DCX: variants seen among roughly 807,000 people sequenced by gnomAD.
DCX encodes the protein neuronal migration protein doublecortin.
Under a neutral mutation model 20.9 loss-of-function variants are expected in DCX, and 4 were observed. The ratio of observed to expected loss-of-function variants is 0.19; its 90% confidence interval spans 0.09 to 0.44. The LOEUF is 0.44. DCX is among the 20% of genes least tolerant of loss of function. The pLI, the probability that DCX is intolerant of heterozygous loss-of-function variation, is 0.99. For missense variants in DCX, 133 were observed against 296.9 expected (o/e 0.45, Z 4.06); for synonymous variants, 103 against 111.4 (o/e 0.92, Z 0.47).
At chrX:111,331,180 A>G in intron 4 of DCX, 139 bp from the exon 5 acceptor site, 1 of 748,520 alleles carries the variant, frequency 1.3e-6, no homozygotes, top group South Asian at 2.3e-5. Context: ...TATTATTAGT[A>G]GGAGCCATGG....
intron 5 of DCX, 118 bp downstream of exon 5, chrX:111,330,786 T>C (rs1418338282): frequency 1.9e-6 from 2 of 1,045,054 alleles, no homozygotes; most frequent in African/African-American, 3.7e-5. Context: ...CCTGAATTGA[T>C]AGAATAGGGT....
intron 6 of DCX, among the ~76,000 whole-genome samples, chrX:111,305,596 T>A (rs1305527563): frequency 1.8e-5 from 2 of 109,702 alleles, no homozygotes; most frequent in Admixed American, 2.0e-4. Flanking sequence ...ACCTCTGTGT[T>A]ATTCTCCATC....
intron 3 of DCX, among the ~76,000 whole-genome samples, chrX:111,384,496 T>C (rs1314723865): frequency 9.0e-6 from 1 of 111,509 alleles, no homozygotes; most frequent in Non-Finnish European, 1.9e-5. Flanking sequence ...GGTATGGAGT[T>C]TGTCTTCTTG....
rs752352505 is a variant in DCX, at chrX:111,348,874, AAAAAGAAAAG to A, written c.706-15731_706-15722del. Among the ~76,000 whole-genome samples the A allele has an allele frequency of 5.0e-3, 547 of 109,626 alleles. 3 individuals are homozygous for A. The highest frequency in any genetic ancestry group is 0.017 in the African/African-American group (505 of 30,096). On this transcript the variant is annotated intron_variant, in intron 3 of 6. Transcript: ENST00000636035. ...GGAAGGAAAGGTTTGTTAAAAAAAAAAAAAGAAAAGAAAAGAAAAGAAAAGAAAGTTATTG... is the reference window on the plus strand; with the variant it reads ...GGAAGGAAAGGTTTGTTAAAAAAAAAAAAAGAAAAGAAAAGAAAGTTATTG...
intron 6 of DCX, among the ~76,000 whole-genome samples, chrX:111,306,135 T>G (rs1167250062): frequency 9.0e-6 from 1 of 111,432 alleles, no homozygotes; most frequent in East Asian, 2.8e-4. Context: ...AGGCAGAGAC[T>G]GGCAAAATAG....
At chrX:111,307,422 A>G (rs967491256) in intron 6 of DCX, among the ~76,000 whole-genome samples, 2 of 110,651 alleles carry the variant, frequency 1.8e-5, no homozygotes, top group Non-Finnish European at 3.8e-5. Flanking sequence ...TCGCTCTATT[A>G]CTATGTTATG....
intron 5 of DCX, among the ~76,000 whole-genome samples, chrX:111,328,077 C>A (rs937688717): frequency 1.8e-5 from 2 of 112,257 alleles, no homozygotes; most frequent in African/African-American, 6.5e-5. Context: ...ACTGAGAACA[C>A]CATGTTAGAT....
intron 3 of DCX, among the ~76,000 whole-genome samples, chrX:111,381,340 T>C (rs970713183): frequency 5.4e-5 from 6 of 110,124 alleles, no homozygotes; most frequent in African/African-American, 2.0e-4. Context: ...GACATAATGT[T>C]GAATGAAAGT....
chrX:111,383,179 T>C (rs1434230270), intron 3 of DCX, among the ~76,000 whole-genome samples: 4 of 111,154 alleles, frequency 3.6e-5, no homozygotes, highest in Admixed American at 9.6e-5. Flanking sequence ...CCAAACCTCA[T>C]TCCTTTTCTT....
rs184258865 is a variant in DCX, at chrX:111,351,303, A to C, written c.706-18150T>G. ...TTCTCTCTTCTGGCCTCTGGGTGTTACACCTTATCGACTATATACTTCCAG... is the reference window on the plus strand; with the variant it reads ...TTCTCTCTTCTGGCCTCTGGGTGTTCCACCTTATCGACTATATACTTCCAG... On this transcript the variant is annotated intron_variant, in intron 3 of 6. Coordinates refer to ENST00000636035, the MANE Select transcript of DCX (RefSeq NM_001195553.2). 3.7e-3 allele frequency among the ~76,000 whole-genome samples: 413 copies of C among 112,332 alleles called. 3 individuals carry two copies. Among genetic ancestry groups the C allele is most frequent in the African/African-American group, 0.013 (390 of 30,903 alleles).
chrX:111,329,755 G>T (rs1421539158), intron 5 of DCX, among the ~76,000 whole-genome samples: 1 of 111,688 alleles, frequency 9.0e-6, no homozygotes, highest in Non-Finnish European at 1.9e-5. Flanking sequence ...CTGGTAATAT[G>T]CATGCTCCTG....
intron 3 of DCX, among the ~76,000 whole-genome samples, chrX:111,392,961 A>G (rs150996996): frequency 1.9e-3 from 211 of 111,290 alleles, no homozygotes; most frequent in African/African-American, 6.7e-3. Context: ...GTCAAGGAAC[A>G]ATAGCCCATT....
intron 3 of DCX, among the ~76,000 whole-genome samples, chrX:111,384,478 TTACTC>T (rs1316015220): frequency 9.0e-6 from 1 of 111,521 alleles, no homozygotes; most frequent in Non-Finnish European, 1.9e-5. Context: ...ATATAAGACT[TTACTC>T]TAGGTATGGA....
intron 3 of DCX, among the ~76,000 whole-genome samples, chrX:111,381,422 T>G: frequency 9.1e-6 from 1 of 109,750 alleles, no homozygotes; most frequent in Non-Finnish European, 1.9e-5. Context: ...TAAACAGAAT[T>G]TGGGATGACA....
intron 3 of DCX, among the ~76,000 whole-genome samples, chrX:111,368,075 A>G (rs1019738568): frequency 3.6e-5 from 4 of 111,732 alleles, no homozygotes; most frequent in African/African-American, 1.3e-4. Flanking sequence ...TTCAACTAGC[A>G]TGATCCCAGA....
intron 6 of DCX, 146 bp from the exon 7 acceptor site, chrX:111,301,889 A>T: frequency 1.8e-6 from 1 of 564,359 alleles, no homozygotes; most frequent in Non-Finnish European, 2.9e-6. Context: ...ATGTACAGGG[A>T]GGTACCCTTG....
chrX:111,373,685 C>T (rs1000072625), intron 3 of DCX, among the ~76,000 whole-genome samples: 4 of 111,021 alleles, frequency 3.6e-5, no homozygotes, highest in African/African-American at 1.3e-4. Context: ...CCAGGTCTCC[C>T]TACAAGTGGA....
chrX:111,389,191 A>G (rs1050360042), intron 3 of DCX, among the ~76,000 whole-genome samples: 9 of 111,407 alleles, frequency 8.1e-5, no homozygotes, highest in Admixed American at 7.6e-4. Context: ...TTGATTTACT[A>G]TCCTAAATCT....
intron 2 of DCX, among the ~76,000 whole-genome samples, chrX:111,405,593 A>C (rs1165857954): frequency 9.0e-6 from 1 of 111,712 alleles, no homozygotes; most frequent in Non-Finnish European, 1.9e-5. Flanking sequence ...GCTAGTCATA[A>C]ATGATATCCC....
Sources: allele counts gnomAD v4.1 joint callset (sites outside exome capture counted in the v4.1 genomes callset), GRCh38; gene constraint gnomAD v4.1.1; transcripts MANE v1.5; gene names NCBI Gene and HGNC (gene_info 2026-07-23, HGNC 2026-07-21).